PTPRD: variants seen among roughly 807,000 people sequenced by gnomAD.
PTPRD encodes the protein protein tyrosine phosphatase receptor type D.
A neutral mutation model predicts 214.5 loss-of-function variants in PTPRD; 34 were observed. The ratio of observed to expected loss-of-function variants is 0.16; its 90% confidence interval spans 0.12 to 0.21. PTPRD has a LOEUF of 0.21. PTPRD is among the 10% of genes least tolerant of loss of function. The pLI is 1.00. For missense variants in PTPRD, 2,545 were observed against 2,398.7 expected (o/e 1.06, Z -1.27); for synonymous variants, 1,128 against 845.7 (o/e 1.33, Z -5.79).
At chr9:9,156,028 A>C (rs568798036) in intron 10 of PTPRD, among the ~76,000 whole-genome samples, 1 of 152,210 alleles carries the variant, frequency 6.6e-6, no homozygotes, top group East Asian at 1.9e-4. Flanking sequence ...CTACAAATCA[A>C]TGAGGGTTAT....
intron 37 of PTPRD, among the ~76,000 whole-genome samples, chr9:8,384,876 T>C (rs1564446195): frequency 6.6e-6 from 1 of 152,192 alleles, no homozygotes; most frequent in Non-Finnish European, 1.5e-5. Context: ...TATGAAATAT[T>C]CAACTTATAC....
chr9:10,263,943 T>C (rs1212347773), intron 3 of PTPRD, among the ~76,000 whole-genome samples: 2 of 152,080 alleles, frequency 1.3e-5, no homozygotes, highest in Non-Finnish European at 2.9e-5. Flanking sequence ...GCTCCATCCA[T>C]GGCGAAAATG....
chr9:9,896,099 CT>C (rs1002575580), intron 5 of PTPRD, among the ~76,000 whole-genome samples: 8 of 152,004 alleles, frequency 5.3e-5, no homozygotes, highest in African/African-American at 1.9e-4. Flanking sequence ...TTTATTTTCT[CT>C]TTGGGAGCTT....
intron 5 of PTPRD, among the ~76,000 whole-genome samples, chr9:9,924,021 C>T (rs746047980): frequency 6.6e-6 from 1 of 151,932 alleles, no homozygotes. Flanking sequence ...AATTTGAAAT[C>T]ATCACTAACA....
intron 14 of PTPRD, among the ~76,000 whole-genome samples, chr9:8,571,746 G>A (rs2091212401): frequency 6.6e-6 from 1 of 152,092 alleles, no homozygotes; most frequent in Non-Finnish European, 1.5e-5. Context: ...TAACAGTTGT[G>A]ATTTGTCCTT....
chr9:9,488,255 C>G (rs934323726), intron 8 of PTPRD, among the ~76,000 whole-genome samples: 1 of 152,204 alleles, frequency 6.6e-6, no homozygotes, highest in African/African-American at 2.4e-5. Context: ...CCATCACTCT[C>G]TGGAATATAG....
intron 3 of PTPRD, among the ~76,000 whole-genome samples, chr9:10,181,406 A>G (rs1013614648): frequency 2.6e-5 from 4 of 152,144 alleles, no homozygotes; most frequent in African/African-American, 9.6e-5. Flanking sequence ...TTCACAGTTG[A>G]AGTGACTTGA....
chr9:10,526,662 C>T (rs954222009), intron 2 of PTPRD, among the ~76,000 whole-genome samples: 15 of 152,074 alleles, frequency 9.9e-5, no homozygotes, highest in African/African-American at 3.6e-4. Flanking sequence ...ATTTAATTAT[C>T]TTTCAATACC....
At chr9:9,370,410 T>C (rs2059140180) in intron 9 of PTPRD, among the ~76,000 whole-genome samples, 1 of 151,828 alleles carries the variant, frequency 6.6e-6, no homozygotes, top group African/African-American at 2.4e-5. Context: ...TGGCTCTCTA[T>C]TTGTCTGTTA....
chr9:8,341,661 C>G (rs768051610), intron 40 of PTPRD, 32 bp downstream of exon 40: 3 of 1,603,136 alleles, frequency 1.9e-6, no homozygotes, highest in Non-Finnish European at 2.6e-6. Flanking sequence ...ATGACTTGCT[C>G]CTGAATAACC....
At chr9:8,778,839 G>A (rs374988087) in intron 11 of PTPRD, among the ~76,000 whole-genome samples, 10 of 152,048 alleles carry the variant, frequency 6.6e-5, no homozygotes, top group African/African-American at 2.4e-4. Context: ...AGCCCATAGG[G>A]TTGCTCAATG....
intron 9 of PTPRD, among the ~76,000 whole-genome samples, chr9:9,207,550 G>A (rs556803457): frequency 1.3e-5 from 2 of 152,230 alleles, no homozygotes; most frequent in African/African-American, 2.4e-5. Context: ...AATGCTGGTC[G>A]AGCTTTGTAA....
chr9:8,473,543 C>T (rs558281099), intron 30 of PTPRD, among the ~76,000 whole-genome samples: 15 of 152,262 alleles, frequency 9.9e-5, no homozygotes, highest in South Asian at 2.1e-4. Context: ...GTCAGAAGAG[C>T]GCTACACATA....
chr9:9,317,618 C>T (rs1050310800), intron 9 of PTPRD, among the ~76,000 whole-genome samples: 2 of 152,058 alleles, frequency 1.3e-5, no homozygotes, highest in Non-Finnish European at 2.9e-5. Flanking sequence ...CTCTCTAGAG[C>T]TTATACTCCA....
intron 5 of PTPRD, among the ~76,000 whole-genome samples, chr9:9,922,859 C>A (rs1489249835): frequency 6.6e-6 from 1 of 151,932 alleles, no homozygotes; most frequent in Non-Finnish European, 1.5e-5. Context: ...GATATGACAA[C>A]TAATTGCAAT....
In PTPRD at chr9:9,065,310, G is replaced by C. The variant is rs543695417; in HGVS notation, c.-142-46575C>G. Among the ~76,000 whole-genome samples, 43 of 152,198 alleles carry C rather than the reference G, an allele frequency of 2.8e-4. No homozygotes were observed. In the South Asian group the frequency reaches 5.6e-3, roughly 20 times the overall value. ...TACGCTTTGCTGAAAAGTGACAATGGTAGAAATTGATAAGGTTCCATTGGG... is the reference window on the plus strand; with the variant it reads ...TACGCTTTGCTGAAAAGTGACAATGCTAGAAATTGATAAGGTTCCATTGGG... On this transcript the variant is annotated intron_variant, in intron 10 of 45. Transcript: ENST00000381196.
chr9:9,463,032 C>G (rs1429099310), intron 8 of PTPRD, among the ~76,000 whole-genome samples: 1 of 152,002 alleles, frequency 6.6e-6, no homozygotes, highest in Non-Finnish European at 1.5e-5. Context: ...ATCTAGTTTC[C>G]AAGAGACTAA....
rs146632859 is a variant in PTPRD at position 9,677,424 on chromosome 9, C to T, written c.-287+57109G>A. Among the ~76,000 whole-genome samples the T allele has an allele frequency of 2.2e-3, 339 of 152,196 alleles. 1 individual carries two copies. The highest frequency in any genetic ancestry group is 7.8e-3 in the African/African-American group (322 of 41,534). On this transcript the variant is annotated intron_variant, in intron 7 of 45. Transcript: ENST00000381196. ...CAAGGCTGGTTCAACATATACAAAT[C>T]AATAAACGTTTTCCAGCATATAAAC... is the stretch of plus-strand genomic sequence containing the variant.
intron 3 of PTPRD, among the ~76,000 whole-genome samples, chr9:10,157,259 C>T (rs1348278097): frequency 6.6e-6 from 1 of 152,090 alleles, no homozygotes. Context: ...GTTTTTGTGA[C>T]AATTGATAAA....
Sources: allele counts gnomAD v4.1 joint callset (sites outside exome capture counted in the v4.1 genomes callset), GRCh38; gene constraint gnomAD v4.1.1; transcripts MANE v1.5; gene names NCBI Gene and HGNC (gene_info 2026-07-23, HGNC 2026-07-21).